GRID2: variants seen among roughly 807,000 people sequenced by gnomAD.
GRID2 encodes the protein glutamate ionotropic receptor delta type subunit 2.
GRID2 carries 33 observed loss-of-function variants against 114.8 expected under a neutral mutation model. The observed-to-expected ratio is 0.29, with a 90% CI of 0.22 to 0.38. The LOEUF is 0.38. Among genes scored for constraint, GRID2 ranks in the 10% least tolerant of loss-of-function variants. The pLI is 1.00. For missense variants in GRID2, 1,184 were observed against 1,257.7 expected (o/e 0.94, Z 0.89); for synonymous variants, 505 against 449.9 (o/e 1.12, Z -1.55).
intron 1 of GRID2, among the ~76,000 whole-genome samples, chr4:92,346,173 G>A (rs1727752204): frequency 6.6e-6 from 1 of 152,112 alleles, no homozygotes; most frequent in Non-Finnish European, 1.5e-5. Flanking sequence ...CAGCTATTGT[G>A]TTATTGATTT....
At chr4:93,407,534 C>A (rs561406563) in intron 9 of GRID2, among the ~76,000 whole-genome samples, 8 of 152,194 alleles carry the variant, frequency 5.3e-5, no homozygotes, top group African/African-American at 1.7e-4. Flanking sequence ...TTATGTTAGC[C>A]TGGATAGAAA....
intron 1 of GRID2, among the ~76,000 whole-genome samples, chr4:92,564,303 TTAC>T (rs537616924): frequency 6.4e-4 from 98 of 152,104 alleles, no homozygotes; most frequent in African/African-American, 2.2e-3. Flanking sequence ...ATTTAATTAA[TTAC>T]TAGTATGCAC....
At chr4:92,617,782 A>C (rs1431084098) in intron 2 of GRID2, among the ~76,000 whole-genome samples, 1 of 151,612 alleles carries the variant, frequency 6.6e-6, no homozygotes, top group Non-Finnish European at 1.5e-5. Flanking sequence ...TTTTTTGTAT[A>C]CTTGCTAGAC....
chr4:92,783,620 A>C (rs925136977), intron 2 of GRID2, among the ~76,000 whole-genome samples: 1 of 152,072 alleles, frequency 6.6e-6, no homozygotes, highest in African/African-American at 2.4e-5. Flanking sequence ...TTGGTGGCTT[A>C]TACCTCTAAT....
intron 2 of GRID2, among the ~76,000 whole-genome samples, chr4:92,915,297 A>G (rs1748695351): frequency 6.6e-6 from 1 of 152,102 alleles, no homozygotes; most frequent in African/African-American, 2.4e-5. Context: ...TAGTTCTACC[A>G]TTTTTGTTGT....
intron 2 of GRID2, among the ~76,000 whole-genome samples, chr4:92,997,192 C>T (rs1039938): frequency 0.35 from 53,162 of 151,976 alleles, 9,659 homozygotes; most frequent in Middle Eastern, 0.49. Context: ...ACTACCACAA[C>T]AAAATCATTA....
At chr4:93,103,222 C>A (rs1731867812) in intron 3 of GRID2, among the ~76,000 whole-genome samples, 1 of 152,072 alleles carries the variant, frequency 6.6e-6, no homozygotes, top group Admixed American at 6.6e-5. Flanking sequence ...ACTTCCAGAG[C>A]TCCCTGCAGG....
intron 1 of GRID2, among the ~76,000 whole-genome samples, chr4:92,437,045 A>C (rs1259044433): frequency 2.0e-5 from 3 of 152,168 alleles, no homozygotes; most frequent in Non-Finnish European, 2.9e-5. Flanking sequence ...AATGTGAGTA[A>C]ATTTTGAAGG....
intron 2 of GRID2, among the ~76,000 whole-genome samples, chr4:92,973,097 G>A (rs971950888): frequency 6.6e-6 from 1 of 152,114 alleles, no homozygotes; most frequent in Non-Finnish European, 1.5e-5. Flanking sequence ...ATAATAGAAT[G>A]ATTTATATTC....
At chr4:92,779,186 A>ATGTGTGTG (rs70942930) in intron 2 of GRID2, among the ~76,000 whole-genome samples, 6,595 of 147,024 alleles carry the variant, frequency 0.045, 177 homozygotes, top group African/African-American at 0.06. Flanking sequence ...TAGTAAGTAA[A>ATGTGTGTG]TGTGTGTGTG....
At chr4:92,716,605 A>C (rs989078865) in intron 2 of GRID2, among the ~76,000 whole-genome samples, 2 of 152,166 alleles carry the variant, frequency 1.3e-5, no homozygotes, top group African/African-American at 4.8e-5. Context: ...ATATAAATGA[A>C]GGCTTGTTCA....
At chr4:92,423,790 A>G (rs1264548942) in intron 1 of GRID2, among the ~76,000 whole-genome samples, 1 of 152,124 alleles carries the variant, frequency 6.6e-6, no homozygotes, top group East Asian at 1.9e-4. Context: ...GCCGAAAGTA[A>G]GTTAGCACAG....
intron 8 of GRID2, chr4:93,302,631 T>C (rs1754998392): frequency 2.2e-6 from 1 of 455,526 alleles, no homozygotes; most frequent in South Asian, 1.6e-5. Flanking sequence ...ATTCATCTTC[T>C]GTACACTTGC....
chr4:93,533,302 CTTCCTTCCTTCCTTCT>C (rs1438775388), intron 13 of GRID2, among the ~76,000 whole-genome samples: 7 of 112,528 alleles, frequency 6.2e-5, no homozygotes, highest in Admixed American at 1.0e-4. Context: ...TCCTTCCTTC[CTTCCTTCCTTCCTTCT>C]TTCCTTTCTT....
chr4:93,282,649 C>T (rs1485183941), intron 8 of GRID2, among the ~76,000 whole-genome samples: 1 of 151,976 alleles, frequency 6.6e-6, no homozygotes, highest in Admixed American at 6.6e-5. Context: ...GATTAATATT[C>T]CAACACATGA....
intron 1 of GRID2, among the ~76,000 whole-genome samples, chr4:92,417,985 C>A (rs1192316044): frequency 6.6e-6 from 1 of 152,162 alleles, no homozygotes; most frequent in African/African-American, 2.4e-5. Flanking sequence ...ACTCCCCAGC[C>A]ATGTGGAACT....
intron 1 of GRID2, among the ~76,000 whole-genome samples, chr4:93,802,198 A>G (rs1219166583): frequency 3.3e-5 from 5 of 152,278 alleles, no homozygotes; most frequent in Admixed American, 6.5e-5. Context: ...GCTTGAACAT[A>G]CAAAGAGAGG....
chr4:92,393,306 A>G (rs1730338049), intron 1 of GRID2, among the ~76,000 whole-genome samples: 1 of 152,208 alleles, frequency 6.6e-6, no homozygotes, highest in Non-Finnish European at 1.5e-5. Context: ...TTCAAGTTAT[A>G]TCAATTATTA....
At position 92,716,322 on chromosome 4, in the gene GRID2, A is replaced by G. The variant is rs960523174; in HGVS notation, c.244+126036A>G. Among the ~76,000 whole-genome samples, 4 of 152,212 alleles carry G rather than the reference A, an allele frequency of 2.6e-5. No individual in the cohort carries two copies. The East Asian group carries it at 7.7e-4, about 29-fold the overall frequency. On this transcript the variant is annotated intron_variant, in intron 2 of 15. Coordinates refer to ENST00000282020, the MANE Select transcript of GRID2 (RefSeq NM_001510.4). ...ATTTCCTCAGTGAAAAGAACAAAACAGAGGAAGTTTTGAGCTTTGACATGC... is the reference window on the plus strand; with the variant it reads ...ATTTCCTCAGTGAAAAGAACAAAACGGAGGAAGTTTTGAGCTTTGACATGC...
Sources: gnomAD v4.1 joint callset for allele counts (sites outside exome capture counted in the v4.1 genomes callset) on GRCh38, gnomAD v4.1.1 for gene constraint, MANE v1.5 for transcripts, NCBI Gene and HGNC (gene_info 2026-07-23, HGNC 2026-07-21) for gene names.